CHSY3: variants seen among roughly 807,000 people sequenced by gnomAD.
CHSY3 encodes chondroitin sulfate synthase 3, also known as N-acetylgalactosaminyl-proteoglycan 3-beta-glucuronosyltransferase 3.
Under a neutral mutation model 67.2 loss-of-function variants are expected in CHSY3, and 35 were observed. The ratio of observed to expected loss-of-function variants is 0.52; its 90% CI spans 0.40 to 0.69. CHSY3 has a LOEUF of 0.69. Among genes scored for constraint, CHSY3 ranks in the 30% least tolerant of loss-of-function variants. CHSY3 has a pLI of 0.00. For synonymous variants in CHSY3, 474 were observed against 434.7 expected, an observed-to-expected ratio of 1.09 and a Z score of -1.12; for missense variants, 1,069 against 1,138.5, an observed-to-expected ratio of 0.94 and a Z score of 0.88.
intron 2 of CHSY3, among the ~76,000 whole-genome samples, chr5:130,064,159 C>A (rs1765804846): frequency 6.6e-6 from 1 of 152,048 alleles, no homozygotes; most frequent in Non-Finnish European, 1.5e-5. Context: ...TGGAGACAAT[C>A]TTATGTTTTA....
chr5:130,183,979 C>A (rs1280565214), intron 2 of CHSY3, among the ~76,000 whole-genome samples: 1 of 151,520 alleles, frequency 6.6e-6, no homozygotes, highest in Non-Finnish European at 1.5e-5. Context: ...TATGTATATT[C>A]TCTATATATT....
At chr5:130,157,126 C>G (rs956566238) in intron 2 of CHSY3, among the ~76,000 whole-genome samples, 2 of 152,210 alleles carry the variant, frequency 1.3e-5, no homozygotes, top group African/African-American at 2.4e-5. Flanking sequence ...TGACTTCTCT[C>G]TCCCATTGTT....
intron 2 of CHSY3, among the ~76,000 whole-genome samples, chr5:130,152,595 GTAAA>G (rs1350556060): frequency 2.6e-5 from 4 of 152,034 alleles, no homozygotes; most frequent in Non-Finnish European, 5.9e-5. Flanking sequence ...AAAATTGGAG[GTAAA>G]TAAATAATTA....
At chr5:130,121,691 G>A (rs1337152981) in intron 2 of CHSY3, among the ~76,000 whole-genome samples, 3 of 152,068 alleles carry the variant, frequency 2.0e-5, no homozygotes, top group Admixed American at 1.3e-4. Flanking sequence ...TCATTTCAAT[G>A]TTTTCCCTTA....
intron 2 of CHSY3, among the ~76,000 whole-genome samples, chr5:130,035,981 A>C (rs566961737): frequency 2.5e-4 from 37 of 150,462 alleles, no homozygotes; most frequent in African/African-American, 8.7e-4. Flanking sequence ...CCTGTATTAA[A>C]AAGATGTACA....
At chr5:129,939,748 G>A (rs79525573) in intron 2 of CHSY3, among the ~76,000 whole-genome samples, 2,165 of 152,176 alleles carry the variant, frequency 0.014, 54 homozygotes, top group African/African-American at 0.049. Context: ...GAAAATAAAC[G>A]TGCTCATAGC....
At chr5:130,151,983 T>G (rs989767077) in intron 2 of CHSY3, among the ~76,000 whole-genome samples, 4 of 152,208 alleles carry the variant, frequency 2.6e-5, no homozygotes, top group African/African-American at 9.6e-5. Flanking sequence ...TTTAATTTCT[T>G]TGAGGACATA....
chr5:130,028,615 C>CAGCT (rs1764620829), intron 2 of CHSY3, among the ~76,000 whole-genome samples: 1 of 152,080 alleles, frequency 6.6e-6, no homozygotes, highest in Non-Finnish European at 1.5e-5. Context: ...GTGAAAATGA[C>CAGCT]AACTTATTAT....
chr5:130,088,885 T>G (rs369401633), intron 2 of CHSY3, among the ~76,000 whole-genome samples: 117 of 152,122 alleles, frequency 7.7e-4, no homozygotes, highest in Non-Finnish European at 1.5e-3. Context: ...TATACCCAAA[T>G]GACTATAAAT....
chr5:129,966,843 C>G (rs1762481362), intron 2 of CHSY3, among the ~76,000 whole-genome samples: 1 of 151,758 alleles, frequency 6.6e-6, no homozygotes, highest in South Asian at 2.1e-4. Context: ...AAGAAGGGAA[C>G]CAATGCCTGA....
intron 2 of CHSY3, among the ~76,000 whole-genome samples, chr5:129,960,257 G>T (rs541679068): frequency 1.3e-5 from 2 of 152,148 alleles, no homozygotes; most frequent in South Asian, 4.1e-4. Flanking sequence ...TAATGTGGTT[G>T]AATGAATAAA....
intron 2 of CHSY3, among the ~76,000 whole-genome samples, chr5:130,030,548 T>C (rs1304779542): frequency 6.6e-6 from 1 of 152,202 alleles, no homozygotes; most frequent in East Asian, 1.9e-4. Flanking sequence ...ATTTTAATGT[T>C]ATTCTTTAGT....
chr5:130,071,475 A>G (rs1766063439), intron 2 of CHSY3, among the ~76,000 whole-genome samples: 2 of 151,530 alleles, frequency 1.3e-5, no homozygotes, highest in Admixed American at 1.3e-4. Flanking sequence ...AAAACAGTTT[A>G]TTTTGCCTCA....
intron 2 of CHSY3, among the ~76,000 whole-genome samples, chr5:130,171,356 G>T (rs1391488390): frequency 6.6e-6 from 1 of 152,022 alleles, no homozygotes; most frequent in Non-Finnish European, 1.5e-5. Flanking sequence ...TTCTAAAAGG[G>T]TAGTTTTAAT....
At chr5:130,167,407 A>T (rs1769779470) in intron 2 of CHSY3, among the ~76,000 whole-genome samples, 1 of 152,132 alleles carries the variant, frequency 6.6e-6, no homozygotes, top group Non-Finnish European at 1.5e-5. Context: ...CCATTTCTAG[A>T]TTGTAAAACT....
intron 2 of CHSY3, among the ~76,000 whole-genome samples, chr5:129,989,857 A>G (rs73785836): frequency 0.026 from 3,887 of 152,282 alleles, 171 homozygotes; most frequent in African/African-American, 0.088. Flanking sequence ...TAGATAGTAA[A>G]TACTTCAGGC....
intron 2 of CHSY3, among the ~76,000 whole-genome samples, chr5:129,997,358 A>C (rs2149635476): frequency 6.6e-6 from 1 of 152,324 alleles, no homozygotes; most frequent in Non-Finnish European, 1.5e-5. Flanking sequence ...TAATTTAAAA[A>C]GCTATGCAAG....
chr5:130,074,373 A>G (rs1241888184), intron 2 of CHSY3, among the ~76,000 whole-genome samples: 2 of 152,158 alleles, frequency 1.3e-5, no homozygotes, highest in Non-Finnish European at 2.9e-5. Context: ...GCCTGGCCAT[A>G]CAACTTTTTT....
chr5:130,021,586 C>T (rs903179956), intron 2 of CHSY3, among the ~76,000 whole-genome samples: 1 of 152,118 alleles, frequency 6.6e-6, no homozygotes, highest in Admixed American at 6.6e-5. Context: ...GTCTCACACT[C>T]TCTCACACAC....
Sources: gnomAD v4.1 joint callset for allele counts (sites outside exome capture counted in the v4.1 genomes callset) on GRCh38, gnomAD v4.1.1 for gene constraint, MANE v1.5 for transcripts, NCBI Gene and HGNC (gene_info 2026-07-23, HGNC 2026-07-21) for gene names.